PDE1C: variants seen among roughly 807,000 people sequenced by gnomAD.
The protein encoded by PDE1C is dual specificity calcium/calmodulin-dependent 3',5'-cyclic nucleotide phosphodiesterase 1C.
PDE1C carries 62 observed loss-of-function variants against 93.1 expected under a neutral mutation model. The observed-to-expected ratio is 0.67, with a 90% CI of 0.54 to 0.82. The LOEUF (loss-of-function observed/expected upper bound fraction) is 0.82. Ranked by LOEUF, PDE1C falls within the 40% of genes least tolerant of loss-of-function variation. PDE1C has a pLI of 0.00. For missense variants in PDE1C, 742 were observed against 884.6 expected, an observed-to-expected ratio of 0.84 and a Z score of 2.04; for synonymous variants, 325 against 310.1, an observed-to-expected ratio of 1.05 and a Z score of -0.50.
the PDE1C span, among the ~76,000 whole-genome samples, chr7:31,709,778 G>C: frequency 6.6e-6 from 1 of 152,136 alleles, no homozygotes; most frequent in Non-Finnish European, 1.5e-5. Context: ...GAAATTTCAT[G>C]ATTAGCATTA....
the PDE1C span, chr7:31,652,072 G>C: frequency 1.3e-6 from 2 of 1,513,118 alleles, no homozygotes; most frequent in Non-Finnish European, 1.8e-6. Context: ...GGGGTGTGGA[G>C]TTTGACTATA....
At chr7:31,653,403 A>C in the PDE1C span, 1 of 152,990 alleles carries the variant, frequency 6.5e-6, no homozygotes, top group Non-Finnish European at 1.4e-5. Flanking sequence ...CTTTTACAGA[A>C]GGTAAAATAA....
At chr7:32,273,246 T>C (rs1811077432) in intron 1 of PDE1C, among the ~76,000 whole-genome samples, 1 of 152,200 alleles carries the variant, frequency 6.6e-6, no homozygotes, top group Non-Finnish European at 1.5e-5. Context: ...AAGACAGTAG[T>C]GTTCAGCCTC....
the PDE1C span, among the ~76,000 whole-genome samples, chr7:31,616,787 A>T: frequency 7.0e-6 from 1 of 143,530 alleles, no homozygotes; most frequent in African/African-American, 2.7e-5. Context: ...AAGGTTTCTA[A>T]ATTTCATTTT....
At chr7:31,678,077 T>G in the PDE1C span, among the ~76,000 whole-genome samples, 2 of 152,130 alleles carry the variant, frequency 1.3e-5, no homozygotes, top group East Asian at 1.9e-4. Flanking sequence ...ATAAAAAATG[T>G]TCTAACGCTC....
At chr7:31,679,626 C>G in the PDE1C span, among the ~76,000 whole-genome samples, 1 of 152,220 alleles carries the variant, frequency 6.6e-6, no homozygotes, top group African/African-American at 2.4e-5. Flanking sequence ...AAGCTTTAAA[C>G]TACATTGCAC....
chr7:31,651,268 AG>A, the PDE1C span: 1 of 1,612,862 alleles, frequency 6.2e-7, no homozygotes, highest in East Asian at 2.2e-5. Context: ...AGAGGAGGAA[AG>A]GTAATTACCT....
In PDE1C at chr7:32,308,430, C is replaced by G. The variant is rs180974035; in HGVS notation, c.311-98891G>C. On this transcript the variant is annotated intron_variant, in intron 1 of 1. Transcript: ENST00000672256. ...TGGAGATCTGAGAACGGGCAGACAG[C>G]CTCCTCAAGTGGGTCCTTGACCCCT... is the stretch of plus-strand genomic sequence containing the variant. Among the ~76,000 whole-genome samples the G allele has an allele frequency of 4.6e-5, 7 of 152,352 alleles. No individual in the cohort carries two copies. The East Asian group carries it at 1.2e-3, about 25-fold the overall frequency.
the PDE1C span, among the ~76,000 whole-genome samples, chr7:31,695,251 T>G: frequency 6.6e-6 from 1 of 152,182 alleles, no homozygotes; most frequent in Non-Finnish European, 1.5e-5. Flanking sequence ...TTTCCTTAAT[T>G]TGGAGTTTTA....
At chr7:31,696,161 C>T in the PDE1C span, 2 of 152,266 alleles carry the variant, frequency 1.3e-5, no homozygotes, top group African/African-American at 4.8e-5. Flanking sequence ...TCTGTAACAC[C>T]CTTGGATGTG....
At chr7:31,715,488 C>G in the PDE1C span, among the ~76,000 whole-genome samples, 1 of 152,224 alleles carries the variant, frequency 6.6e-6, no homozygotes, top group African/African-American at 2.4e-5. Flanking sequence ...ATCTGCCTGT[C>G]TTGGTCTCCC....
chr7:31,941,360 T>A (rs1368430427), intron 2 of PDE1C: 2 of 167,862 alleles, frequency 1.2e-5, no homozygotes, highest in African/African-American at 4.8e-5. Context: ...AAGCACAAAC[T>A]CCAATGGTGC....
At chr7:32,345,728 GTAAA>G (rs2128081406) in intron 1 of PDE1C, among the ~76,000 whole-genome samples, 1 of 152,182 alleles carries the variant, frequency 6.6e-6, no homozygotes, top group South Asian at 2.1e-4. Context: ...TATATGGATA[GTAAA>G]TAAACACATG....
At chr7:32,098,700 T>A (rs1486333444) in intron 3 of PDE1C, among the ~76,000 whole-genome samples, 1 of 152,230 alleles carries the variant, frequency 6.6e-6, no homozygotes, top group Non-Finnish European at 1.5e-5. Flanking sequence ...TTATGCACCC[T>A]GTGGACTTTC....
At chr7:31,745,999 G>A in the PDE1C span, among the ~76,000 whole-genome samples, 36 of 152,038 alleles carry the variant, frequency 2.4e-4, 1 homozygote, top group Middle Eastern at 6.8e-3. Context: ...TTCGCTTCTC[G>A]TTGACAGGTA....
At chr7:32,373,243 T>A (rs1293025750) in intron 1 of PDE1C, among the ~76,000 whole-genome samples, 1 of 152,118 alleles carries the variant, frequency 6.6e-6, no homozygotes, top group Non-Finnish European at 1.5e-5. Context: ...ATAAACAAAA[T>A]GTAGTATATC....
chr7:31,745,871 T>C, the PDE1C span, among the ~76,000 whole-genome samples: 1 of 152,238 alleles, frequency 6.6e-6, no homozygotes, highest in Non-Finnish European at 1.5e-5. Flanking sequence ...CTTAGAATAT[T>C]TGAATTCAAA....
rs867180706 is a variant in PDE1C, at chr7:32,133,692, T to A, written c.308+36093A>T. On this transcript the variant is annotated intron_variant, in intron 3 of 18. Coordinates refer to the PDE1C transcript ENST00000396193. ...TAATTGCCAGCTAAATAAAAAAACA[T>A]CAATACTCTTTGGGGCAACATAACA... is the stretch of plus-strand genomic sequence containing the variant. 2.6e-5 allele frequency among the ~76,000 whole-genome samples: 4 copies of A among 152,238 alleles called. No homozygotes were observed. The South Asian group carries it at 8.3e-4, about 32-fold the overall frequency.
At chr7:31,690,050 CCT>C in the PDE1C span, among the ~76,000 whole-genome samples, 1 of 152,208 alleles carries the variant, frequency 6.6e-6, no homozygotes, top group Non-Finnish European at 1.5e-5. Flanking sequence ...TGTCCAGGGG[CCT>C]CTGACATGTT....
Sources: allele counts gnomAD v4.1 joint callset (sites outside exome capture counted in the v4.1 genomes callset), GRCh38; gene constraint gnomAD v4.1.1; transcripts MANE v1.5; gene names NCBI Gene and HGNC (gene_info 2026-07-23, HGNC 2026-07-21).